Variants in GLCE observed in about 807,000 individuals in gnomAD.
GLCE encodes the protein D-glucuronyl C5-epimerase.
A neutral mutation model predicts 47.9 loss-of-function variants in GLCE; 19 were observed. The observed-to-expected ratio is 0.40, with a 90% CI of 0.28 to 0.58. GLCE has a LOEUF of 0.58. Ranked by LOEUF, GLCE falls within the 20% of genes least tolerant of loss-of-function variation. GLCE has a pLI of 0.48. For synonymous variants in GLCE, 245 were observed against 263.4 expected (o/e 0.93, Z 0.68); for missense variants, 556 against 743.3 (o/e 0.75, Z 2.93).
rs2053133817 is a variant in GLCE at position 69,269,394 on chromosome 15, T to C, written c.*150T>C. The C allele has an allele frequency of 1.6e-6, 1 of 643,960 alleles. No homozygotes were observed. The highest frequency in any genetic ancestry group is 2.7e-5 in the East Asian group (1 of 37,456). The allele number at this position is 643,960 out of a possible 1,614,324, so 39.9% of individuals were successfully genotyped here. A position where few individuals can be genotyped will look rare whatever the true frequency, so the allele number is the denominator to read the frequency against. ...TAAGTGATCCTTAAAACCAGCCTTCTAAAATAATTGCATTCCATGGGTTGG... is the reference window on the plus strand; with the variant it reads ...TAAGTGATCCTTAAAACCAGCCTTCCAAAATAATTGCATTCCATGGGTTGG... On this transcript the variant is annotated 3_prime_UTR_variant, in exon 5 of 5. Coordinates refer to ENST00000261858, the MANE Select transcript of GLCE (RefSeq NM_015554.3).
At position 69,160,927 on chromosome 15, in the gene GLCE, C is replaced by T. The variant is rs1180496392; in HGVS notation, c.-105+170C>T. On this transcript the variant is annotated intron_variant, in intron 1 of 4. Transcript: ENST00000261858. The surrounding 1 kb of genome is among the most constrained non-coding windows in gnomAD (Gnocchi z 4.2). Reference sequence around the variant, plus strand: ...GAGTCCGGGGGGCGAGGAGGCGGTGCAGTGGGATCCGGGCGCGGGCGCCCA... The same window carrying T: ...GAGTCCGGGGGGCGAGGAGGCGGTGTAGTGGGATCCGGGCGCGGGCGCCCA... Among the ~76,000 whole-genome samples the T allele has an allele frequency of 6.6e-6, 1 of 151,738 alleles. No homozygotes were observed. Among genetic ancestry groups the T allele is most frequent in the Non-Finnish European group, 1.5e-5 (1 of 67,944 alleles).
At chr15:69,227,530 GA>G (rs34294684) in intron 2 of GLCE, among the ~76,000 whole-genome samples, 77,552 of 152,014 alleles carry the variant, frequency 0.51, 23,376 homozygotes, top group Admixed American at 0.66. Context: ...TCATATGACA[GA>G]AAAAAAATTA....
chr15:69,190,698 T>C (rs919868088), intron 1 of GLCE, among the ~76,000 whole-genome samples: 1 of 152,144 alleles, frequency 6.6e-6, no homozygotes, highest in African/African-American at 2.4e-5. Context: ...AGTTGGGTTT[T>C]ACTTCTTTTT....
At chr15:69,223,199 T>C (rs1159213844) in intron 2 of GLCE, among the ~76,000 whole-genome samples, 1 of 152,250 alleles carries the variant, frequency 6.6e-6, no homozygotes, top group East Asian at 1.9e-4. Flanking sequence ...TCTTTCATTT[T>C]ACCTTATAGG....
chr15:69,202,478 C>G (rs1595752371), intron 1 of GLCE, among the ~76,000 whole-genome samples: 1 of 152,104 alleles, frequency 6.6e-6, no homozygotes, highest in African/African-American at 2.4e-5. Flanking sequence ...CCACTGTGTG[C>G]CGAGTGTGGG....
chr15:69,198,595 T>C (rs201453777), intron 1 of GLCE, among the ~76,000 whole-genome samples: 28 of 152,130 alleles, frequency 1.8e-4, no homozygotes, highest in African/African-American at 6.5e-4. Flanking sequence ...AGTATGGCAG[T>C]TGACTTAGAG....
intron 2 of GLCE, among the ~76,000 whole-genome samples, chr15:69,248,138 C>T (rs2052781136): frequency 6.6e-6 from 1 of 152,136 alleles, no homozygotes; most frequent in Non-Finnish European, 1.5e-5. Context: ...AATTTCCTTC[C>T]TGTTTTGCCT....
rs2052926073 is a variant in GLCE, at chr15:69,256,410, T to G, written c.586+18T>G. 2 of 1,504,932 alleles carry G rather than the reference T, an allele frequency of 1.3e-6. No homozygotes were observed. The highest frequency in any genetic ancestry group is 1.4e-5 in the African/African-American group (1 of 72,538). The allele number at this position is 1,504,932 out of a possible 1,614,324, so 93.2% of individuals were successfully genotyped here. A position where few individuals can be genotyped will look rare whatever the true frequency, so the allele number is the denominator to read the frequency against. On this transcript the variant is annotated intron_variant, in intron 3 of 4. Transcript: ENST00000261858. ...GGTTGAAGGTTGGTATCTGTCTGCT[T>G]CACTTGCATTTTTCAAGCATGATTG...
At chr15:69,205,506 AAAT>A (rs1454633510) in intron 1 of GLCE, among the ~76,000 whole-genome samples, 1 of 152,080 alleles carries the variant, frequency 6.6e-6, no homozygotes, top group Non-Finnish European at 1.5e-5. Context: ...TTTTGGGTAA[AAAT>A]ACATAGGTAT....
chr15:69,223,349 TTTTGTTTG>T (rs769749074), intron 2 of GLCE, among the ~76,000 whole-genome samples: 3 of 152,246 alleles, frequency 2.0e-5, no homozygotes, highest in Non-Finnish European at 2.9e-5. Flanking sequence ...TGACAGATTT[TTTTGTTTG>T]TTTGTTTGTT....
At chr15:69,197,118 T>C in intron 1 of GLCE, 1 of 360,956 alleles carries the variant, frequency 2.8e-6, no homozygotes, top group South Asian at 2.3e-5. Flanking sequence ...CAGCCAGCAT[T>C]GATCAACATA....
intron 2 of GLCE, among the ~76,000 whole-genome samples, chr15:69,246,500 G>A (rs1171629843): frequency 4.6e-5 from 7 of 152,142 alleles, no homozygotes; most frequent in Non-Finnish European, 8.8e-5. Context: ...GGTGGATCAC[G>A]AGTTCAGGAG....
intron 4 of GLCE, among the ~76,000 whole-genome samples, chr15:69,266,425 C>G (rs1425931698): frequency 6.6e-6 from 1 of 152,080 alleles, no homozygotes; most frequent in East Asian, 1.9e-4. Context: ...CTCCTGGGCT[C>G]AAGCAGTCCT....
intron 1 of GLCE, among the ~76,000 whole-genome samples, chr15:69,170,157 T>TA (rs967631626): frequency 6.6e-6 from 1 of 151,900 alleles, no homozygotes; most frequent in African/African-American, 2.4e-5. Flanking sequence ...ACATTAGTTT[T>TA]AAAAAAACAT....
Sources: gnomAD v4.1 joint callset for allele counts (sites outside exome capture counted in the v4.1 genomes callset) on GRCh38, gnomAD v4.1.1 for gene constraint, Gnocchi (gnomAD v3.1) non-coding constraint, MANE v1.5 for transcripts, NCBI Gene and HGNC (gene_info 2026-07-23, HGNC 2026-07-21) for gene names.